CIAPIN1: variants seen among roughly 807,000 people sequenced by gnomAD.
CIAPIN1 encodes the protein anamorsin.
Under a neutral mutation model 34.3 loss-of-function variants are expected in CIAPIN1, and 18 were observed. The ratio of observed to expected loss-of-function variants is 0.52; its 90% CI spans 0.36 to 0.78. CIAPIN1 has a LOEUF of 0.78. Ranked by LOEUF, CIAPIN1 falls within the 30% of genes least tolerant of loss-of-function variation. The probability of loss-of-function intolerance (pLI) is 0.00; values close to 1 mark genes in which losing one functional copy is unlikely to be tolerated. For missense variants in CIAPIN1, 310 were observed against 372.5 expected (o/e 0.83, Z 1.38); for synonymous variants, 131 against 140.4 (o/e 0.93, Z 0.47).
chr16:57,442,283 T>C (rs766653480), intron 1 of CIAPIN1, among the ~76,000 whole-genome samples: 5 of 151,854 alleles, frequency 3.3e-5, no homozygotes, highest in Non-Finnish European at 7.4e-5. Context: ...GAGATGGAGG[T>C]TGCAGTGAGC....
At chr16:57,433,974 T>G (rs1903144455) in intron 5 of CIAPIN1, 70 bp downstream of exon 5, 1 of 1,354,566 alleles carries the variant, frequency 7.4e-7, no homozygotes, top group African/African-American at 1.4e-5. Context: ...TCTCATTTAT[T>G]GCTGGCTCAA....
Position 57,432,471 on chromosome 16 carries a change from A to G in CIAPIN1, c.630+16T>C. On this transcript the variant is annotated intron_variant, in intron 6 of 8. Transcript: ENST00000394391. The stretch of plus-strand genomic sequence containing the variant: ...GCCTGAAAGAAAGCAATCAAGTGAC[A>G]ATGCTGCCAGCTCACCATGCTGTCG... 4 of 1,612,692 alleles carry G rather than the reference A, an allele frequency of 2.5e-6. No individual in the cohort carries two copies. Among genetic ancestry groups the G allele is most frequent in the Non-Finnish European group, 3.4e-6 (4 of 1,179,078 alleles).
At chr16:57,434,747 T>C (rs1028996830) in intron 4 of CIAPIN1, among the ~76,000 whole-genome samples, 4 of 152,146 alleles carry the variant, frequency 2.6e-5, no homozygotes, top group African/African-American at 4.8e-5. Context: ...TTAATATGAA[T>C]GAAGGGAAAT....
chr16:57,441,703 T>C (rs1210851164), intron 1 of CIAPIN1, among the ~76,000 whole-genome samples: 4 of 152,238 alleles, frequency 2.6e-5, no homozygotes, highest in Non-Finnish European at 5.9e-5. Context: ...CCCAAATTCA[T>C]CTGACTGTAA....
In CIAPIN1 at chr16:57,429,713, C is replaced by G. The variant is rs150066983; in HGVS notation, c.829-433G>C. 1.7e-3 allele frequency among the ~76,000 whole-genome samples: 251 copies of G among 151,794 alleles called. 3 individuals carry two copies. The highest frequency in any genetic ancestry group is 5.7e-3 in the African/African-American group (235 of 41,366). On this transcript the variant is annotated intron_variant, in intron 8 of 8. Transcript: ENST00000394391. ...TTCACCATGTTAGCCAGGATGGTCT[C>G]GATCTCCTGACCTCGTGATCCGCCC...
At position 57,440,781 on chromosome 16, in the gene CIAPIN1, G is replaced by T. The variant is rs770686351; in HGVS notation, c.148C>A (p.Leu50Met). 1 of 1,612,010 alleles carries T rather than the reference G, an allele frequency of 6.2e-7. No individual in the cohort carries two copies. ...GTGGGTGGGTACTTACATTGCAACA[G>T]CTGCTTGATGTTTTCCACAGACACG... ...GRVSVENIKQ[L>M]LQSAHKESSF... The change falls in exon 2 of 9, where the codon CTG (leucine) becomes ATG (methionine). Residue 50 changes from leucine to methionine, a missense_variant. By Grantham distance (15) the Leu-to-Met change is conservative. Transcript: ENST00000394391.
chr16:57,436,373 G>T (rs1030732276), intron 4 of CIAPIN1, among the ~76,000 whole-genome samples: 1 of 152,048 alleles, frequency 6.6e-6, no homozygotes, highest in Non-Finnish European at 1.5e-5. Flanking sequence ...GACTACAGGC[G>T]TCTGCCACCA....
At position 57,436,726 on chromosome 16, in the gene CIAPIN1, T is replaced by A; in HGVS notation, c.317A>T (p.Asn106Ile). The A allele has an allele frequency of 6.2e-7, 1 of 1,613,618 alleles. No individual in the cohort carries two copies. The stretch of plus-strand genomic sequence containing the variant: ...CTTAGATGCTGTCTTCACTTTGCTA[T>A]TGTTATCTGCCAAAAGGAAAATCCC... ...KEPVETAVDN[N>I]SKVKTASKLC... Residue 106 changes from asparagine (N) to isoleucine (I), a missense_variant, in exon 4 of 9, where the codon AAT (asparagine) becomes ATT (isoleucine). Transcript: ENST00000394391.
intron 4 of CIAPIN1, among the ~76,000 whole-genome samples, chr16:57,434,658 G>A (rs891582469): frequency 6.6e-6 from 1 of 152,146 alleles, no homozygotes; most frequent in Non-Finnish European, 1.5e-5. Context: ...AAGGGTCAGG[G>A]TGCCACCTCT....
Position 57,431,274 on chromosome 16 carries a change from G to C in CIAPIN1, c.631-8C>G, listed in dbSNP as rs779522773. On this transcript the variant is annotated splice_region_variant and splice_polypyrimidine_tract_variant and intron_variant, in intron 6 of 8. Transcript: ENST00000394391. ...ATCTGAGTCAATGAGATCCTGGAGA[G>C]TGTTCAAAGCAATGAGTGATACAGT... The C allele has an allele frequency of 6.3e-7, 1 of 1,588,090 alleles. No individual in the cohort carries two copies. The highest frequency in any genetic ancestry group is 1.7e-5 in the Admixed American group (1 of 59,904).
At chr16:57,436,571 T>C in intron 4 of CIAPIN1, 85 bp downstream of exon 4, 1 of 1,031,736 alleles carries the variant, frequency 9.7e-7, no homozygotes, top group Non-Finnish European at 1.5e-6. Flanking sequence ...GTATCTTACA[T>C]GCACAGCATT....
intron 1 of CIAPIN1, among the ~76,000 whole-genome samples, chr16:57,441,965 T>A (rs1466801540): frequency 2.6e-5 from 4 of 152,246 alleles, no homozygotes; most frequent in Non-Finnish European, 4.4e-5. Flanking sequence ...TTCAGACTTC[T>A]GCAGAGGTGG....
chr16:57,432,682 T>G, intron 5 of CIAPIN1, 122 bp from the exon 6 acceptor site: 1 of 896,900 alleles, frequency 1.1e-6, no homozygotes. Flanking sequence ...GCAGAAGATG[T>G]GGGTTCACAG....
intron 3 of CIAPIN1, among the ~76,000 whole-genome samples, chr16:57,437,093 C>T (rs767103759): frequency 6.6e-6 from 1 of 152,136 alleles, no homozygotes; most frequent in African/African-American, 2.4e-5. Flanking sequence ...CACCACTGCA[C>T]TCTTGCCTGC....
chr16:57,442,512 T>A (rs2029891495), intron 1 of CIAPIN1, among the ~76,000 whole-genome samples: 1 of 151,614 alleles, frequency 6.6e-6, no homozygotes, highest in South Asian at 2.1e-4. Flanking sequence ...AATACAAAAA[T>A]TAGCTGGGCG....
intron 8 of CIAPIN1, 127 bp downstream of exon 8, chr16:57,430,131 C>A (rs144854426): frequency 2.3e-5 from 18 of 777,390 alleles, no homozygotes; most frequent in Middle Eastern, 3.7e-4. Flanking sequence ...TTACTACCTA[C>A]GTTCGTGTGC....
At chr16:57,440,675 C>T (rs1903309530) in intron 2 of CIAPIN1, 97 bp downstream of exon 2, 3 of 1,381,308 alleles carry the variant, frequency 2.2e-6, no homozygotes, top group Middle Eastern at 3.7e-4. Flanking sequence ...TCACATGCCA[C>T]CCTAAATGAA....
At chr16:57,437,180 C>T (rs1903222489) in intron 3 of CIAPIN1, among the ~76,000 whole-genome samples, 1 of 151,998 alleles carries the variant, frequency 6.6e-6, no homozygotes, top group African/African-American at 2.4e-5. Flanking sequence ...TACAGATGGT[C>T]CTTGACTTAA....
intron 5 of CIAPIN1, 37 bp from the exon 6 acceptor site, chr16:57,432,597 ACAGT>A: frequency 6.5e-7 from 1 of 1,540,872 alleles, no homozygotes; most frequent in South Asian, 1.1e-5. Context: ...CTCCATAAAC[ACAGT>A]CAGAAACTAT....
Sources: allele counts gnomAD v4.1 joint callset (sites outside exome capture counted in the v4.1 genomes callset), GRCh38; gene constraint gnomAD v4.1.1; transcripts MANE v1.5; gene names NCBI Gene and HGNC (gene_info 2026-07-23, HGNC 2026-07-21).